The following FREM1 variants were observed in gnomAD, a reference collection of about 807,000 sequenced individuals.
The protein encoded by FREM1 is FRAS1-related extracellular matrix protein 1.
In FREM1, 220 loss-of-function variants were observed where a neutral mutation model predicts 210.1. That is an observed-to-expected ratio of 1.05 (90% CI 0.94 to 1.17). The LOEUF (loss-of-function observed/expected upper bound fraction) is 1.17. FREM1 is among the 50% of genes most tolerant of loss of function. The probability of loss-of-function intolerance (pLI) is 0.00; values close to 1 mark genes in which losing one functional copy is unlikely to be tolerated. For missense variants in FREM1, 3,454 were observed against 2,675.5 expected (o/e 1.29, Z -6.42); for synonymous variants, 1,189 against 980.2 (o/e 1.21, Z -3.98).
At chr9:14,870,763 C>T (rs1247408666) in intron 1 of FREM1, among the ~76,000 whole-genome samples, 1 of 151,148 alleles carries the variant, frequency 6.6e-6, no homozygotes, top group Non-Finnish European at 1.5e-5. Flanking sequence ...ATTAACTCGT[C>T]ACTTAGCATT....
intron 1 of FREM1, among the ~76,000 whole-genome samples, chr9:14,878,956 G>C (rs993502033): frequency 2.0e-5 from 3 of 152,084 alleles, no homozygotes; most frequent in Non-Finnish European, 4.4e-5. Context: ...AGGAGTTCGA[G>C]AACAGCCTGG....
intron 1 of FREM1, among the ~76,000 whole-genome samples, chr9:14,907,431 C>T (rs912298202): frequency 2.0e-5 from 3 of 152,280 alleles, no homozygotes; most frequent in Admixed American, 1.3e-4. Context: ...AGCACAAAAG[C>T]TGTTGAATCA....
chr9:14,905,400 C>G (rs1364506379), intron 1 of FREM1, among the ~76,000 whole-genome samples: 2 of 152,182 alleles, frequency 1.3e-5, no homozygotes, highest in Admixed American at 1.3e-4. Context: ...CCTGAGGGGC[C>G]CCTTGCTACA....
chr9:14,892,545 A>G (rs1837022195), intron 1 of FREM1, among the ~76,000 whole-genome samples: 1 of 152,236 alleles, frequency 6.6e-6, no homozygotes, highest in African/African-American at 2.4e-5. Flanking sequence ...CCTCTCAGCT[A>G]AGAACGGGTT....
At chr9:14,843,789 C>T (rs1179252100) in intron 8 of FREM1, among the ~76,000 whole-genome samples, 1 of 143,012 alleles carries the variant, frequency 7.0e-6, no homozygotes, top group Non-Finnish European at 1.5e-5. Flanking sequence ...TTACCCTGGA[C>T]CTGCTGAATC....
intron 1 of FREM1, among the ~76,000 whole-genome samples, chr9:14,869,912 G>A (rs1016483449): frequency 6.6e-6 from 1 of 152,212 alleles, no homozygotes; most frequent in Non-Finnish European, 1.5e-5. Context: ...ATATGGACAT[G>A]CGTATTTATA....
At chr9:14,756,309 A>C in intron 29 of FREM1, 65 bp downstream of exon 29, 1 of 1,146,022 alleles carries the variant, frequency 8.7e-7, no homozygotes, top group Non-Finnish European at 1.3e-6. Flanking sequence ...TACAATCTCC[A>C]GACATGCCTA....
chr9:14,870,590 T>A (rs1444809394), intron 1 of FREM1, among the ~76,000 whole-genome samples: 1 of 152,162 alleles, frequency 6.6e-6, no homozygotes, highest in Non-Finnish European at 1.5e-5. Flanking sequence ...TATCCTTTTA[T>A]CAATAGAAAA....
intron 10 of FREM1, among the ~76,000 whole-genome samples, chr9:14,835,361 T>A (rs973044429): frequency 6.6e-6 from 1 of 152,248 alleles, no homozygotes; most frequent in African/African-American, 2.4e-5. Flanking sequence ...ATACAGTTGT[T>A]TGCATCAGTG....
At chr9:14,850,450 A>T (rs2131371986) in intron 6 of FREM1, 1 of 152,188 alleles carries the variant, frequency 6.6e-6, no homozygotes, top group South Asian at 2.1e-4. Context: ...GGCAGCACAT[A>T]TACTAAAATT....
At chr9:14,817,800 C>T (rs1306317716) in intron 14 of FREM1, among the ~76,000 whole-genome samples, 1 of 152,120 alleles carries the variant, frequency 6.6e-6, no homozygotes, top group African/African-American at 2.4e-5. Flanking sequence ...GTGGGGAAGT[C>T]CCACATCCTC....
intron 35 of FREM1, 53 bp from the exon 36 acceptor site, chr9:14,740,287 T>A (rs1841309159): frequency 8.1e-7 from 1 of 1,240,108 alleles, no homozygotes; most frequent in Non-Finnish European, 1.2e-6. Flanking sequence ...ACATTTCTGC[T>A]GATACGAAAT....
intron 27 of FREM1, among the ~76,000 whole-genome samples, chr9:14,766,002 T>C (rs1846330870): frequency 6.6e-6 from 1 of 152,132 alleles, no homozygotes. Context: ...CTGCGGATCA[T>C]CTTGGAGATT....
At chr9:14,792,260 C>CCACACACACACGCACA (rs1851504045) in intron 22 of FREM1, among the ~76,000 whole-genome samples, 1 of 114,394 alleles carries the variant, frequency 8.7e-6, no homozygotes, top group African/African-American at 3.6e-5. Context: ...ATACACACAC[C>CCACACACACACGCACA]CACACACACA....
intron 1 of FREM1, among the ~76,000 whole-genome samples, chr9:14,906,703 C>T (rs1348878486): frequency 6.6e-6 from 1 of 152,132 alleles, no homozygotes; most frequent in Admixed American, 6.5e-5. Flanking sequence ...GGTAGCATGG[C>T]AGTGGGTGTG....
At chr9:14,891,838 G>C (rs1217733756) in intron 1 of FREM1, among the ~76,000 whole-genome samples, 5 of 152,154 alleles carry the variant, frequency 3.3e-5, no homozygotes, top group African/African-American at 1.2e-4. Flanking sequence ...GTGAGAAAAA[G>C]TACAGGGGCA....
intron 26 of FREM1, among the ~76,000 whole-genome samples, chr9:14,770,270 G>C (rs1000544837): frequency 6.6e-6 from 1 of 152,010 alleles, no homozygotes; most frequent in Non-Finnish European, 1.5e-5. Context: ...ATCATTTAGA[G>C]TCATTTAGAA....
chr9:14,795,611 G>A (rs1852225029), intron 21 of FREM1, among the ~76,000 whole-genome samples: 1 of 152,168 alleles, frequency 6.6e-6, no homozygotes, highest in Non-Finnish European at 1.5e-5. Context: ...GGTTGAAGGA[G>A]GTTTGATGAT....
At chr9:14,828,480 A>G (rs1822894634) in intron 10 of FREM1, among the ~76,000 whole-genome samples, 2 of 152,086 alleles carry the variant, frequency 1.3e-5, no homozygotes, top group South Asian at 4.1e-4. Flanking sequence ...GATGAACTGT[A>G]CCTAAAGTCT....
Sources: gnomAD v4.1 joint callset for allele counts (sites outside exome capture counted in the v4.1 genomes callset) on GRCh38, gnomAD v4.1.1 for gene constraint, MANE v1.5 for transcripts, NCBI Gene and HGNC (gene_info 2026-07-23, HGNC 2026-07-21) for gene names.